The following CYP27C1 variants were observed in gnomAD, a reference collection of about 807,000 sequenced individuals.
CYP27C1 encodes cytochrome P450 family 27 subfamily C member 1.
A neutral mutation model predicts 40.6 loss-of-function variants in CYP27C1; 29 were observed. The ratio of observed to expected loss-of-function variants is 0.71; its 90% confidence interval spans 0.53 to 0.97. The LOEUF is 0.97. Among genes scored for constraint, CYP27C1 ranks in the 50% least tolerant of loss-of-function variants. The pLI is 0.00. For missense variants in CYP27C1, 390 were observed against 485.8 expected, an observed-to-expected ratio of 0.80 and a Z score of 1.85; for synonymous variants, 198 against 186.8, an observed-to-expected ratio of 1.06 and a Z score of -0.49.
Position 127,187,077 on chromosome 2 carries a change from A to C in CYP27C1, c.*194T>G, listed in dbSNP as rs1682640263. ...AAAGAAAGGGCAACTTCTGGTATGC[A>C]CCAGTAAAATAGCAACCTTTTTACA... On this transcript the variant is annotated 3_prime_UTR_variant, in exon 9 of 9. Coordinates refer to ENST00000664447, the MANE Select transcript of CYP27C1 (RefSeq NM_001367502.1). 3.5e-6 allele frequency: 2 copies of C among 571,236 alleles called. No homozygotes were observed. The highest frequency in any genetic ancestry group is 3.0e-5 in the Admixed American group (1 of 33,066). The allele number at this position is 571,236 out of a possible 1,614,324, so 35.4% of individuals were successfully genotyped here.
At chr2:127,216,948 A>T (rs969843691) in intron 1 of CYP27C1, among the ~76,000 whole-genome samples, 4 of 152,210 alleles carry the variant, frequency 2.6e-5, no homozygotes, top group African/African-American at 9.6e-5. Flanking sequence ...AAATGAAGAC[A>T]TTCAGACTAA....
At chr2:127,205,396 G>A (rs1428272500) in intron 2 of CYP27C1, among the ~76,000 whole-genome samples, 4 of 152,308 alleles carry the variant, frequency 2.6e-5, no homozygotes, top group African/African-American at 9.6e-5. Flanking sequence ...GCCTGGCCGC[G>A]GGCCACGATC....
At chr2:127,212,168 A>C (rs1037736551) in intron 1 of CYP27C1, among the ~76,000 whole-genome samples, 1 of 152,242 alleles carries the variant, frequency 6.6e-6, no homozygotes, top group Non-Finnish European at 1.5e-5. Context: ...AAATTGAGGC[A>C]GTAATTAATA....
At chr2:127,211,890 C>A (rs1298895963) in intron 1 of CYP27C1, among the ~76,000 whole-genome samples, 1 of 151,860 alleles carries the variant, frequency 6.6e-6, no homozygotes, top group African/African-American at 2.4e-5. Context: ...CCAAAAAAAT[C>A]AATGAATCCA....
intron 1 of CYP27C1, among the ~76,000 whole-genome samples, chr2:127,210,417 A>T (rs1683312985): frequency 6.6e-6 from 1 of 152,208 alleles, no homozygotes; most frequent in African/African-American, 2.4e-5. Context: ...ACACCAAAAT[A>T]TAAAGACCAA....
rs139230595 is a variant in CYP27C1 at position 127,199,395 on chromosome 2, A to G, written c.1028T>C (p.Leu343Pro). The change falls in exon 5 of 9, where the codon CTG becomes CCG. Residue 343 changes from leucine (L) to proline (P), a missense_variant. By Grantham distance (98) the Leu-to-Pro change is moderately conservative (BLOSUM62 -3). Transcript: ENST00000664447. ...QEIYANVTEMLLAGVDTTSFT... is the reference protein window; with the variant it reads ...QEIYANVTEMPLAGVDTTSFT... ...ACTCACCGTGTCGACGCCGGCCAGC[A>G]GCATCTCAGTCACGTTGGCGTAGAT... is the stretch of plus-strand genomic sequence containing the variant. 1.9e-6 allele frequency: 3 copies of G among 1,614,160 alleles called. No homozygotes were observed. The highest frequency in any genetic ancestry group is 1.7e-6 in the Non-Finnish European group (2 of 1,179,998).
At chr2:127,204,492 G>A (rs879569939) in intron 2 of CYP27C1, among the ~76,000 whole-genome samples, 5,604 of 55,014 alleles carry the variant, frequency 0.1, 764 homozygotes, top group East Asian at 0.15. Flanking sequence ...AAGAAAGGAA[G>A]GAAGGAAGGA....
chr2:127,207,571 G>A (rs1406899478), intron 1 of CYP27C1, among the ~76,000 whole-genome samples: 1 of 152,120 alleles, frequency 6.6e-6, no homozygotes, highest in African/African-American at 2.4e-5. Flanking sequence ...TCAGGAGGCT[G>A]AGGTGGGAGG....
chr2:127,205,805 T>A (rs1424076804), intron 2 of CYP27C1, 95 bp downstream of exon 2: 3 of 974,362 alleles, frequency 3.1e-6, no homozygotes, highest in African/African-American at 3.5e-5. Context: ...TGTGCTTTTT[T>A]AAGAGCTGGC....
intron 5 of CYP27C1, among the ~76,000 whole-genome samples, chr2:127,199,024 C>A (rs1682969226): frequency 6.6e-6 from 1 of 152,220 alleles, no homozygotes; most frequent in Non-Finnish European, 1.5e-5. Context: ...GTGGCTCATG[C>A]CTGTAATCCC....
intron 2 of CYP27C1, 70 bp from the exon 3 acceptor site, chr2:127,203,641 T>G: frequency 6.6e-7 from 1 of 1,515,110 alleles, no homozygotes; most frequent in Non-Finnish European, 8.9e-7. Flanking sequence ...TCAAGGAACC[T>G]CTAGAAAAAA....
rs1683219911 is a variant in CYP27C1, at chr2:127,206,044, C to T, written c.329G>A (p.Gly110Asp). Among the ~76,000 whole-genome samples, 1 of 152,232 alleles carries T rather than the reference C, an allele frequency of 6.6e-6. No individual in the cohort carries two copies. Residue 110 changes from glycine (G) to aspartate (D), a missense_variant, in exon 2 of 9, where the codon GGT becomes GAT. Physicochemically the swap from Gly to Asp is moderately conservative, Grantham distance 94 (BLOSUM62 -1). Coordinates refer to ENST00000664447, the MANE Select transcript of CYP27C1 (RefSeq NM_001367502.1). The stretch of plus-strand genomic sequence containing the variant: ...TGCAATAGATACTACAAACTGAGGA[C>T]CAAAGTGAGACTTGAAGATTTTTCC... Reference protein sequence around the residue: ...EYGKIFKSHFGPQFVVSIADR... With the variant: ...EYGKIFKSHFDPQFVVSIADR...
Position 127,204,538 on chromosome 2 carries a change from AGAG to A in CYP27C1, c.474-970_474-968del, listed in dbSNP as rs1377449434. On this transcript the variant is annotated intron_variant, in intron 2 of 8. Transcript: ENST00000664447. ...GAAGGAAAGAAAGAAAGAAAGAAAG[AGAG>A]AGAGAGAGAGAGAGAGAAAGAAAGA... 1.9e-3 allele frequency among the ~76,000 whole-genome samples: 52 copies of A among 27,444 alleles called. 2 individuals carry two copies. The highest frequency in any genetic ancestry group is 6.8e-3 in the African/African-American group (51 of 7,534). The allele number at this position is 27,444 out of a possible 152,430, so 18.0% of individuals were successfully genotyped here.
intron 7 of CYP27C1, among the ~76,000 whole-genome samples, chr2:127,193,572 T>C (rs1558926272): frequency 6.6e-6 from 1 of 152,164 alleles, no homozygotes; most frequent in Non-Finnish European, 1.5e-5. Context: ...CCAAGGAGCA[T>C]GGGCTGCCTT....
chr2:127,205,359 G>T (rs1683201893), intron 2 of CYP27C1, among the ~76,000 whole-genome samples: 1 of 152,174 alleles, frequency 6.6e-6, no homozygotes, highest in South Asian at 2.1e-4. Context: ...TTGGACCGGG[G>T]CATCTGCAGG....
intron 1 of CYP27C1, among the ~76,000 whole-genome samples, chr2:127,214,053 G>GA (rs1162882303): frequency 3.3e-5 from 5 of 151,956 alleles, no homozygotes; most frequent in Admixed American, 2.6e-4. Flanking sequence ...CAACAAACAT[G>GA]AAAAAAAGCT....
rs1558931503 is a variant in CYP27C1 at position 127,204,598 on chromosome 2, A to AAGCAAGC, written c.474-1028_474-1027insGCTTGCT. On this transcript the variant is annotated intron_variant, in intron 2 of 8. Coordinates refer to ENST00000664447, the MANE Select transcript of CYP27C1 (RefSeq NM_001367502.1). Reference sequence around the variant, plus strand: ...GAAAGAAAGAAAGAAAGAAAGAAAGAAAGAAAGAAAGAAAGAAAGAAAGAA... The same window carrying AAGCAAGC: ...GAAAGAAAGAAAGAAAGAAAGAAAGAAGCAAGCAAGAAAGAAAGAAAGAAAGAAAGAA... Among the ~76,000 whole-genome samples the AAGCAAGC allele has an allele frequency of 1.8e-3, 176 of 98,264 alleles. 4 individuals are homozygous for AAGCAAGC. Among genetic ancestry groups the AAGCAAGC allele is most frequent in the African/African-American group, 7.0e-3 (160 of 22,776 alleles). The allele number at this position is 98,264 out of a possible 152,430, so 64.5% of individuals were successfully genotyped here.
In CYP27C1 at chr2:127,184,405, T is replaced by C. The variant is rs1048150209; in HGVS notation, c.*2866A>G. ...GTTCTCCTCTCCCCTTGGTTTTTTT[T>C]TTGCTTTTTGGTTTTTGTTTTTTTT... On this transcript the variant is annotated 3_prime_UTR_variant, in exon 9 of 9. Transcript: ENST00000664447. 1.3e-5 allele frequency: 2 copies of C among 152,132 alleles called. No individual in the cohort carries two copies. The highest frequency in any genetic ancestry group is 2.9e-5 in the Non-Finnish European group (2 of 68,052). The allele number at this position is 152,132 out of a possible 1,614,324, so 9.4% of individuals were successfully genotyped here. A position where few individuals can be genotyped will look rare whatever the true frequency, so the allele number is the denominator to read the frequency against.
chr2:127,213,369 GC>G (rs1683369306), intron 1 of CYP27C1, among the ~76,000 whole-genome samples: 1 of 150,488 alleles, frequency 6.6e-6, no homozygotes, highest in Non-Finnish European at 1.5e-5. Context: ...ACAATCCTAA[GC>G]AAAAAGAACA....
Sources: gnomAD v4.1 joint callset for allele counts (sites outside exome capture counted in the v4.1 genomes callset) on GRCh38, gnomAD v4.1.1 for gene constraint, MANE v1.5 for transcripts, NCBI Gene and HGNC (gene_info 2026-07-23, HGNC 2026-07-21) for gene names.